The following IQGAP2 variants were observed in gnomAD, a reference collection of about 807,000 sequenced individuals.
The protein encoded by IQGAP2 is IQ motif containing GTPase activating protein 2, also known as ras GTPase-activating-like protein IQGAP2.
A neutral mutation model predicts 201.3 loss-of-function variants in IQGAP2; 173 were observed. The ratio of observed to expected loss-of-function variants is 0.86; its 90% confidence interval spans 0.76 to 0.98. The LOEUF (loss-of-function observed/expected upper bound fraction) is 0.98, where lower values mean the gene tolerates loss of function less well. IQGAP2 is among the 50% of genes least tolerant of loss of function. The pLI is 0.00. For missense variants in IQGAP2, 1,687 were observed against 1,864.8 expected (o/e 0.90, Z 1.76); for synonymous variants, 675 against 673.9 (o/e 1.00, Z -0.03).
At chr5:76,495,308 A>G (rs1310121833) in intron 2 of IQGAP2, among the ~76,000 whole-genome samples, 3 of 152,230 alleles carry the variant, frequency 2.0e-5, no homozygotes, top group Non-Finnish European at 4.4e-5. Flanking sequence ...TTGATAGTTT[A>G]ACAGTGAGCT....
At chr5:76,461,375 A>T (rs1027630804) in intron 1 of IQGAP2, among the ~76,000 whole-genome samples, 195 bp from the exon 2 acceptor site, 13 of 148,954 alleles carry the variant, frequency 8.7e-5, no homozygotes, top group Admixed American at 1.3e-4. Flanking sequence ...CTCAAAAAAA[A>T]AAAAAATAAA....
chr5:76,540,433 G>T (rs1249206951), intron 2 of IQGAP2, among the ~76,000 whole-genome samples: 5 of 152,156 alleles, frequency 3.3e-5, no homozygotes, highest in Non-Finnish European at 7.4e-5. Context: ...CTAGATTATA[G>T]GTCAGTGTTC....
In IQGAP2 at chr5:76,513,051, T is replaced by C. The variant is rs377545555; in HGVS notation, c.147-49345T>C. 3.5e-3 allele frequency among the ~76,000 whole-genome samples: 407 copies of C among 117,198 alleles called. 1 individual carries two copies. The highest frequency in any genetic ancestry group is 0.014 in the African/African-American group (365 of 26,250). 76.9% of individuals were successfully genotyped at this position (117,198 alleles called of 152,430 possible). On this transcript the variant is annotated intron_variant, in intron 2 of 35. Coordinates refer to ENST00000274364, the MANE Select transcript of IQGAP2 (RefSeq NM_006633.5). ...GCCTGGGTGACAGAGTCAGAGTCTG[T>C]CTCAAAAAGAAAAAAAAAAAGAAAA...
At position 76,707,134 on chromosome 5, in the gene IQGAP2, C is replaced by G. The variant is rs541737412; in HGVS notation, c.4615-66C>G. 50 of 809,376 alleles carry G rather than the reference C, an allele frequency of 6.2e-5. No individual in the cohort carries two copies. In the African/African-American group the frequency reaches 7.7e-4, roughly 12 times the overall value. The allele number at this position is 809,376 out of a possible 1,614,324, so 50.1% of individuals were successfully genotyped here. On this transcript the variant is annotated intron_variant, in intron 35 of 35. Transcript: ENST00000274364. The stretch of plus-strand genomic sequence containing the variant: ...ATCTGACTTTTGTCAACAAATTCTT[C>G]TAATATGTTTTTTAAATGCACAAAA...
At chr5:76,450,156 C>A (rs1272353187) in intron 1 of IQGAP2, among the ~76,000 whole-genome samples, 2 of 152,140 alleles carry the variant, frequency 1.3e-5, no homozygotes, top group African/African-American at 4.8e-5. Flanking sequence ...TAAATTCTTT[C>A]CCATGAGAGA....
intron 1 of IQGAP2, among the ~76,000 whole-genome samples, chr5:76,422,389 T>A (rs6865628): frequency 0.39 from 60,085 of 152,122 alleles, 13,342 homozygotes; most frequent in East Asian, 0.52. Flanking sequence ...AGGACTCAGT[T>A]GGCGGCTGTT....
Position 76,557,905 on chromosome 5 carries a change from C to G in IQGAP2, c.147-4491C>G, listed in dbSNP as rs183548508. Among the ~76,000 whole-genome samples, 219 of 152,234 alleles carry G rather than the reference C, an allele frequency of 1.4e-3. 1 individual carries two copies. Among genetic ancestry groups the G allele is most frequent in the Non-Finnish European group, 1.9e-3 (128 of 67,996 alleles). ...CACTGCAACCTCCGCCTCTCAGATT[C>G]AAGCGATTCTCCTGCCTCAGCCTCC... On this transcript the variant is annotated intron_variant, in intron 2 of 35. Coordinates refer to ENST00000274364, the MANE Select transcript of IQGAP2 (RefSeq NM_006633.5).
At chr5:76,570,687 A>G (rs1029248183) in intron 4 of IQGAP2, 30 bp downstream of exon 4, 18 of 1,417,744 alleles carry the variant, frequency 1.3e-5, no homozygotes, top group Non-Finnish European at 1.7e-5. Flanking sequence ...AATCTGAACT[A>G]GAAAGGCAAA....
chr5:76,500,660 T>C (rs969227659), intron 2 of IQGAP2, among the ~76,000 whole-genome samples: 1 of 152,232 alleles, frequency 6.6e-6, no homozygotes, highest in Non-Finnish European at 1.5e-5. Flanking sequence ...CCATTTATTA[T>C]TATTTTTTTC....
At position 76,406,822 on chromosome 5, in the gene IQGAP2, TCTACA is replaced by T. The variant is rs549205860; in HGVS notation, c.46+3237_46+3241del. ...ATTGCATAGGCAAGAACTGTGGTTT[TCTACA>T]CTACAAGATTCAGAGCCTTCCTTTC... On this transcript the variant is annotated intron_variant, in intron 1 of 35. Transcript: ENST00000274364. Among the ~76,000 whole-genome samples the T allele has an allele frequency of 4.4e-3, 525 of 118,960 alleles. 3 individuals are homozygous for T. The highest frequency in any genetic ancestry group is 0.013 in the African/African-American group (478 of 35,738). The allele number at this position is 118,960 out of a possible 152,430, so 78.0% of individuals were successfully genotyped here.
At chr5:76,573,542 G>A (rs933274783) in intron 4 of IQGAP2, among the ~76,000 whole-genome samples, 4 of 152,176 alleles carry the variant, frequency 2.6e-5, no homozygotes, top group Admixed American at 6.5e-5. Context: ...AAAGATTCTT[G>A]TTTAAAGAAA....
chr5:76,549,137 G>C (rs1002470402), intron 2 of IQGAP2, among the ~76,000 whole-genome samples: 1 of 152,144 alleles, frequency 6.6e-6, no homozygotes, highest in Non-Finnish European at 1.5e-5. Context: ...TAGCTACCAT[G>C]AAAGGTACCT....
chr5:76,570,526 C>A, intron 3 of IQGAP2, 54 bp from the exon 4 acceptor site: 2 of 1,206,230 alleles, frequency 1.7e-6, no homozygotes, highest in Non-Finnish European at 2.5e-6. Flanking sequence ...TTGCAAATGA[C>A]TCACTTTTTG....
At chr5:76,609,270 T>C (rs1351043901) in intron 12 of IQGAP2, 2 of 1,530,450 alleles carry the variant, frequency 1.3e-6, no homozygotes, top group African/African-American at 2.7e-5. Context: ...GACCAGAGAA[T>C]GGCACTAAAT....
rs148997031 is a variant in IQGAP2, at chr5:76,459,179, T to G, written c.47-2391T>G. ...TATTTGGACAGGATGATAACAGAGT[T>G]TGGGAGCCCCTCAGCAGCTGTCCTG... On this transcript the variant is annotated intron_variant, in intron 1 of 35. Coordinates refer to ENST00000274364, the MANE Select transcript of IQGAP2 (RefSeq NM_006633.5). Among the ~76,000 whole-genome samples the G allele has an allele frequency of 5.0e-3, 759 of 152,252 alleles. 3 individuals carry two copies. The highest frequency in any genetic ancestry group is 7.4e-3 in the Non-Finnish European group (506 of 68,010).
rs116373871 is a variant in IQGAP2 at position 76,472,429 on chromosome 5, T to C, written c.146+10760T>C. On this transcript the variant is annotated intron_variant, in intron 2 of 35. Coordinates refer to ENST00000274364, the MANE Select transcript of IQGAP2 (RefSeq NM_006633.5). ...GTGACCAGGGATTATGCTGTGGAGC[T>C]AGAATGGAAGGAACACTTATTAAGG... 5.2e-3 allele frequency among the ~76,000 whole-genome samples: 797 copies of C among 152,214 alleles called. 9 individuals carry two copies. Among genetic ancestry groups the C allele is most frequent in the African/African-American group, 0.018 (756 of 41,530 alleles).
chr5:76,622,718 T>C (rs1749822496), intron 13 of IQGAP2, among the ~76,000 whole-genome samples: 1 of 152,230 alleles, frequency 6.6e-6, no homozygotes, highest in Admixed American at 6.5e-5. Context: ...ACTGACTTAT[T>C]AGCATTGCCA....
chr5:76,600,777 G>A lies in IQGAP2; in HGVS notation c.1072-35G>A, dbSNP rs372296984. 3.2e-5 allele frequency: 52 copies of A among 1,611,398 alleles called. No homozygotes were observed. In the African/African-American group the frequency reaches 5.7e-4, roughly 18 times the overall value. ...CCATCATGCACATGAGGTGTGTTGT[G>A]TGGGGAGCTTATGTTGCCATATGTT... On this transcript the variant is annotated intron_variant, in intron 10 of 35. Transcript: ENST00000274364.
At chr5:76,675,249 TG>T (rs536568498) in intron 27 of IQGAP2, among the ~76,000 whole-genome samples, 57 of 152,290 alleles carry the variant, frequency 3.7e-4, no homozygotes, top group African/African-American at 1.1e-3. Context: ...TACAAACAGA[TG>T]ACTTTTCACA....
Sources: gnomAD v4.1 joint callset for allele counts (sites outside exome capture counted in the v4.1 genomes callset) on GRCh38, gnomAD v4.1.1 for gene constraint, MANE v1.5 for transcripts, NCBI Gene and HGNC (gene_info 2026-07-23, HGNC 2026-07-21) for gene names.